Variants in TBC1D1 observed in about 807,000 individuals in gnomAD.
TBC1D1 encodes TBC1 domain family member 1.
In TBC1D1, 89 loss-of-function variants were observed where a neutral mutation model predicts 125.6. That is an observed-to-expected ratio of 0.71 (90% confidence interval 0.60 to 0.85). TBC1D1 has a LOEUF of 0.85. TBC1D1 is among the 40% of genes least tolerant of loss of function. The pLI is 0.00. For missense variants in TBC1D1, 1,377 were observed against 1,469.2 expected, an observed-to-expected ratio of 0.94 and a Z score of 1.03; for synonymous variants, 565 against 564.1, an observed-to-expected ratio of 1.00 and a Z score of -0.02.
chr4:38,068,081 T>C (rs1276915462), intron 12 of TBC1D1, among the ~76,000 whole-genome samples: 1 of 152,194 alleles, frequency 6.6e-6, no homozygotes, highest in Non-Finnish European at 1.5e-5. Flanking sequence ...TCTGTTCTTC[T>C]GCTTCCTCTG....
chr4:37,996,276 TTATAAA>T (rs1326186525), intron 2 of TBC1D1: 1 of 251,968 alleles, frequency 4.0e-6, no homozygotes, highest in African/African-American at 2.2e-5. Flanking sequence ...AGCCTGACTG[TTATAAA>T]TATATATTGA....
intron 2 of TBC1D1, among the ~76,000 whole-genome samples, chr4:37,968,661 G>A (rs1284774563): frequency 6.6e-6 from 1 of 152,088 alleles, no homozygotes; most frequent in East Asian, 1.9e-4. Flanking sequence ...ATTGAGCACC[G>A]TTTGCTCTGA....
At chr4:38,033,830 A>G (rs1480008172) in intron 7 of TBC1D1, among the ~76,000 whole-genome samples, 1 of 152,208 alleles carries the variant, frequency 6.6e-6, no homozygotes, top group African/African-American at 2.4e-5. Context: ...GCTTAGCAAT[A>G]TGCACTTAAG....
At chr4:38,025,876 C>T (rs559312583) in intron 6 of TBC1D1, among the ~76,000 whole-genome samples, 6 of 152,260 alleles carry the variant, frequency 3.9e-5, no homozygotes, top group South Asian at 2.1e-4. Context: ...TTGACAAAGG[C>T]GCCATCCTTC....
intron 2 of TBC1D1, among the ~76,000 whole-genome samples, chr4:37,906,280 T>A (rs1428739935): frequency 1.3e-5 from 2 of 152,130 alleles, no homozygotes; most frequent in African/African-American, 4.8e-5. Context: ...ACCAAGTAGC[T>A]GGGATTACAG....
chr4:37,997,659 A>T (rs549495023), intron 2 of TBC1D1, among the ~76,000 whole-genome samples: 45 of 152,262 alleles, frequency 3.0e-4, no homozygotes, highest in African/African-American at 9.9e-4. Context: ...TATTCCTACC[A>T]CCCAGAGACC....
At chr4:38,027,179 G>GT (rs571285414) in intron 6 of TBC1D1, among the ~76,000 whole-genome samples, 189 of 152,306 alleles carry the variant, frequency 1.2e-3, no homozygotes, top group African/African-American at 4.0e-3. Context: ...CTGGGTCTTA[G>GT]TTTTCTTAGC....
Position 38,049,868 on chromosome 4 carries a change from CAGTG to C in TBC1D1, c.1883_1886del (p.Val628AlafsTer26), listed in dbSNP as rs767763771. 3.1e-6 allele frequency: 5 copies of C among 1,613,648 alleles called. No individual in the cohort carries two copies. Among genetic ancestry groups the C allele is most frequent in the Admixed American group, 1.7e-5 (1 of 59,908 alleles). On this transcript the variant is annotated frameshift_variant, in exon 11 of 20. Transcript: ENST00000261439. LOFTEE classifies it high-confidence loss of function. The stretch of plus-strand genomic sequence containing the variant: ...CAAAGGAAACTTATGAGGTATCACT[CAGTG>C]AGCACAGAGACGCCTCATGAACGAA...
At chr4:38,130,564 A>AGT (rs1456057196) in intron 18 of TBC1D1, among the ~76,000 whole-genome samples, 1 of 152,170 alleles carries the variant, frequency 6.6e-6, no homozygotes, top group Non-Finnish European at 1.5e-5. Flanking sequence ...TTACAACTCT[A>AGT]GTGGAATTGC....
In TBC1D1 at chr4:38,103,045, G is replaced by T; in HGVS notation, c.2445G>T (p.Glu815Asp). 1 of 1,614,176 alleles carries T rather than the reference G, an allele frequency of 6.2e-7. No individual in the cohort carries two copies. Among genetic ancestry groups the T allele is most frequent in the Non-Finnish European group, 8.5e-7 (1 of 1,180,022 alleles). ...GTGAAATCTGGAAATTTCTAGCTGAGCAATTCCACCTTAAACACCAGTTTC... is the reference window on the plus strand; with the variant it reads ...GTGAAATCTGGAAATTTCTAGCTGATCAATTCCACCTTAAACACCAGTTTC... Residue 815 changes from glutamate to aspartate, a missense_variant, in exon 15 of 20, where the codon GAG becomes GAT. By Grantham distance (45) the Glu-to-Asp change is conservative (BLOSUM62 2). Around this residue, in one of 3 missense-constraint regions of TBC1D1, gnomAD observed 543 missense variants for 613.5 expected, o/e 0.89. Coordinates refer to ENST00000261439, the MANE Select transcript of TBC1D1 (RefSeq NM_015173.4).
intron 19 of TBC1D1, among the ~76,000 whole-genome samples, chr4:38,135,146 G>C (rs1052532562): frequency 6.6e-6 from 1 of 152,194 alleles, no homozygotes; most frequent in Admixed American, 6.5e-5. Context: ...ATACAGTACT[G>C]AATTTTCATA....
chr4:38,075,700 C>T (rs780026680), intron 12 of TBC1D1, among the ~76,000 whole-genome samples: 6 of 152,162 alleles, frequency 3.9e-5, no homozygotes, highest in Non-Finnish European at 8.8e-5. Flanking sequence ...ATTTTAGTCA[C>T]AGATGCATGA....
intron 2 of TBC1D1, among the ~76,000 whole-genome samples, chr4:37,988,921 T>C (rs1255749429): frequency 1.3e-5 from 2 of 152,152 alleles, no homozygotes; most frequent in Non-Finnish European, 2.9e-5. Flanking sequence ...ACAGAGATCT[T>C]AAGACTGCCA....
intron 12 of TBC1D1, among the ~76,000 whole-genome samples, chr4:38,077,398 A>G (rs1210593946): frequency 1.3e-5 from 2 of 152,194 alleles, no homozygotes; most frequent in Non-Finnish European, 2.9e-5. Context: ...GAGTCTTTTA[A>G]AATTCCTAAA....
chr4:38,084,892 AT>A (rs906358328), intron 12 of TBC1D1, among the ~76,000 whole-genome samples: 7 of 152,166 alleles, frequency 4.6e-5, no homozygotes, highest in African/African-American at 1.7e-4. Flanking sequence ...TTAACATGTG[AT>A]TTAATGTCGT....
At chr4:38,055,336 G>A (rs1247602913) in intron 12 of TBC1D1, among the ~76,000 whole-genome samples, 2 of 152,148 alleles carry the variant, frequency 1.3e-5, no homozygotes, top group Non-Finnish European at 2.9e-5. Context: ...TTCCCCTTAG[G>A]AGCTGTGAAC....
intron 17 of TBC1D1, chr4:38,120,151 C>T (rs949405139): frequency 6.0e-5 from 58 of 971,986 alleles, no homozygotes; most frequent in Middle Eastern, 1.1e-3. Flanking sequence ...TGGTGAGACT[C>T]GGAGTTTCAT....
intron 12 of TBC1D1, among the ~76,000 whole-genome samples, chr4:38,084,788 C>G (rs561622706): frequency 1.3e-5 from 2 of 151,030 alleles, no homozygotes; most frequent in Admixed American, 6.6e-5. Context: ...ATAAAATGCT[C>G]TATGGTGGGT....
chr4:37,963,746 T>C (rs187503272), intron 2 of TBC1D1, among the ~76,000 whole-genome samples: 1 of 152,362 alleles, frequency 6.6e-6, no homozygotes, highest in African/African-American at 2.4e-5. Context: ...TATATTATGC[T>C]ATTTAAATGT....
Sources: allele counts gnomAD v4.1 joint callset (sites outside exome capture counted in the v4.1 genomes callset), GRCh38; gene constraint gnomAD v4.1.1; regional missense constraint gnomAD v4.1.1; transcripts MANE v1.5; gene names NCBI Gene and HGNC (gene_info 2026-07-23, HGNC 2026-07-21).